Variants in BICDL1 observed in about 807,000 individuals in gnomAD.
The protein encoded by BICDL1 is BICD family like cargo adaptor 1.
Under a neutral mutation model 76.8 loss-of-function variants are expected in BICDL1, and 20 were observed. The observed-to-expected ratio is 0.26, with a 90% CI of 0.18 to 0.38. The LOEUF (loss-of-function observed/expected upper bound fraction) is 0.38. BICDL1 is among the 10% of genes least tolerant of loss of function. The pLI is 1.00. For synonymous variants in BICDL1, 383 were observed against 337.1 expected (o/e 1.14, Z -1.49); for missense variants, 700 against 798.6 (o/e 0.88, Z 1.49).
At chr12:120,078,972 A>G (rs1347079320) in intron 7 of BICDL1, among the ~76,000 whole-genome samples, 1 of 152,208 alleles carries the variant, frequency 6.6e-6, no homozygotes, top group Non-Finnish European at 1.5e-5. Flanking sequence ...CTGCTGCTAA[A>G]TAGGGGGAGG....
chr12:120,033,033 C>T (rs1346400873), intron 2 of BICDL1, among the ~76,000 whole-genome samples: 1 of 152,116 alleles, frequency 6.6e-6, no homozygotes, highest in African/African-American at 2.4e-5. Flanking sequence ...GCGTGAGCCA[C>T]CATGCCTGGC....
intron 2 of BICDL1, among the ~76,000 whole-genome samples, chr12:120,013,892 T>C (rs1333588023): frequency 6.6e-6 from 1 of 152,184 alleles, no homozygotes; most frequent in Non-Finnish European, 1.5e-5. Flanking sequence ...ATTTCTAGCA[T>C]AGTGTTTTAA....
chr12:120,028,500 C>G (rs1952354661), intron 2 of BICDL1, among the ~76,000 whole-genome samples: 1 of 152,042 alleles, frequency 6.6e-6, no homozygotes, highest in South Asian at 2.1e-4. Context: ...CATGCTGAAA[C>G]CTTGTATCTA....
intron 2 of BICDL1, among the ~76,000 whole-genome samples, chr12:120,021,860 G>A (rs1157815738): frequency 1.3e-5 from 2 of 150,526 alleles, no homozygotes; most frequent in African/African-American, 2.4e-5. Flanking sequence ...AACCGAGATT[G>A]CACCACTGCA....
At chr12:120,088,577 G>A (rs1043157062) in intron 8 of BICDL1, among the ~76,000 whole-genome samples, 1 of 151,766 alleles carries the variant, frequency 6.6e-6, no homozygotes, top group Non-Finnish European at 1.5e-5. Flanking sequence ...GGCTGGTCTC[G>A]AACTCCTGAC....
intron 9 of BICDL1, chr12:120,091,235 G>A (rs1011359232): frequency 5.4e-5 from 62 of 1,157,122 alleles, no homozygotes; most frequent in South Asian, 9.0e-5. Flanking sequence ...GGCTGGTGCC[G>A]TCTTCTCATA....
chr12:120,019,673 C>T (rs552617059), intron 2 of BICDL1, among the ~76,000 whole-genome samples: 3 of 152,218 alleles, frequency 2.0e-5, no homozygotes, highest in South Asian at 4.2e-4. Flanking sequence ...TGGCTTGGAA[C>T]TCCTGGGCTC....
At chr12:120,051,009 T>C (rs1267677604) in intron 2 of BICDL1, among the ~76,000 whole-genome samples, 5 of 152,142 alleles carry the variant, frequency 3.3e-5, no homozygotes, top group African/African-American at 1.2e-4. Flanking sequence ...GGTTGTACTT[T>C]ACATTTTCCT....
At chr12:120,040,478 C>T (rs1262107530) in intron 2 of BICDL1, among the ~76,000 whole-genome samples, 1 of 151,990 alleles carries the variant, frequency 6.6e-6, no homozygotes, top group African/African-American at 2.4e-5. Flanking sequence ...CCAGGCTGCA[C>T]CATCTTGGCT....
chr12:120,036,625 C>G (rs1952535750), intron 2 of BICDL1, among the ~76,000 whole-genome samples: 2 of 152,156 alleles, frequency 1.3e-5, no homozygotes, highest in South Asian at 4.1e-4. Context: ...CCTGTAATCC[C>G]AGCACTCTGG....
chr12:120,085,753 T>A (rs893780795), intron 8 of BICDL1, among the ~76,000 whole-genome samples: 2 of 134,134 alleles, frequency 1.5e-5, no homozygotes, highest in African/African-American at 5.7e-5. Context: ...TGAGCTGTGA[T>A]CATGCCACTG....
chr12:120,043,354 G>A (rs1182981477), intron 2 of BICDL1, among the ~76,000 whole-genome samples: 1 of 152,068 alleles, frequency 6.6e-6, no homozygotes, highest in Non-Finnish European at 1.5e-5. Flanking sequence ...TTAATGACAA[G>A]CTCCAAAAAA....
At chr12:120,023,790 G>GA (rs371485975) in intron 2 of BICDL1, among the ~76,000 whole-genome samples, 62 of 123,972 alleles carry the variant, frequency 5.0e-4, no homozygotes, top group African/African-American at 7.4e-4. Flanking sequence ...ATTCCATCTC[G>GA]AAAAAAAAAA....
intron 8 of BICDL1, among the ~76,000 whole-genome samples, chr12:120,087,809 G>A (rs1874554036): frequency 6.6e-6 from 1 of 152,308 alleles, no homozygotes; most frequent in South Asian, 2.1e-4. Flanking sequence ...AAAGTAATAC[G>A]TGAAACACAA....
At chr12:120,082,987 C>T (rs1412971020) in intron 8 of BICDL1, among the ~76,000 whole-genome samples, 1 of 152,108 alleles carries the variant, frequency 6.6e-6, no homozygotes. Context: ...CTCAGCCTCC[C>T]GAATAGCTGG....
At chr12:120,066,475 G>C (rs966345709) in intron 4 of BICDL1, among the ~76,000 whole-genome samples, 1 of 152,166 alleles carries the variant, frequency 6.6e-6, no homozygotes, top group African/African-American at 2.4e-5. Flanking sequence ...GAAAGAGGCA[G>C]GACTAGTATG....
intron 1 of BICDL1, among the ~76,000 whole-genome samples, chr12:119,991,005 T>C (rs959241121): frequency 5.9e-5 from 9 of 152,254 alleles, no homozygotes; most frequent in African/African-American, 2.2e-4. Context: ...ACTTCTGTTA[T>C]AAAATACCTG....
chr12:120,082,871 G>A (rs1057087097), intron 8 of BICDL1, among the ~76,000 whole-genome samples: 16 of 151,854 alleles, frequency 1.1e-4, no homozygotes, highest in African/African-American at 3.9e-4. Context: ...GCCCAGCCGT[G>A]TTTATTTTAT....
At chr12:120,015,492 A>G (rs768976323) in intron 2 of BICDL1, among the ~76,000 whole-genome samples, 9 of 152,176 alleles carry the variant, frequency 5.9e-5, no homozygotes, top group Admixed American at 2.6e-4. Flanking sequence ...GATCTCTCCT[A>G]CTTACCAACT....
Sources: gnomAD v4.1 joint callset for allele counts (sites outside exome capture counted in the v4.1 genomes callset) on GRCh38, gnomAD v4.1.1 for gene constraint, MANE v1.5 for transcripts, NCBI Gene and HGNC (gene_info 2026-07-23, HGNC 2026-07-21) for gene names.